The following DHX33 variants were observed in gnomAD, a reference collection of about 807,000 sequenced individuals.
DHX33 encodes DEAH-box helicase 33, also known as ATP-dependent RNA helicase DHX33.
Under a neutral mutation model 72.5 loss-of-function variants are expected in DHX33, and 42 were observed. The observed-to-expected ratio is 0.58, with a 90% CI of 0.45 to 0.75. The LOEUF (loss-of-function observed/expected upper bound fraction) is 0.75. Among genes scored for constraint, DHX33 ranks in the 30% least tolerant of loss-of-function variants. DHX33 has a pLI of 0.00. For missense variants in DHX33, 842 were observed against 917.5 expected, an observed-to-expected ratio of 0.92 and a Z score of 1.06; for synonymous variants, 358 against 366.1, an observed-to-expected ratio of 0.98 and a Z score of 0.25.
chr17:5,462,403 T>A lies in DHX33; in HGVS notation c.594A>T (p.Glu198Asp). Reference sequence around the variant, plus strand: ...AGAGCACATCTGTGTGGATAGTCCGTTCGTGAGCTTCATCCAAAATGACAC... The same window carrying A: ...AGAGCACATCTGTGTGGATAGTCCGATCGTGAGCTTCATCCAAAATGACAC... ...YSCVILDEAH[E>D]RTIHTDVLFG... Residue 198 changes from glutamate to aspartate, a missense_variant, in exon 3 of 12, where the codon GAA becomes GAT. Physicochemically the swap from Glu to Asp is conservative, Grantham distance 45 (BLOSUM62 2). Coordinates refer to ENST00000225296, the MANE Select transcript of DHX33 (RefSeq NM_020162.4). 1 of 1,614,186 alleles carries A rather than the reference T, an allele frequency of 6.2e-7. No individual in the cohort carries two copies. Among genetic ancestry groups the A allele is most frequent in the Non-Finnish European group, 8.5e-7 (1 of 1,180,032 alleles).
At position 5,441,020 on chromosome 17, in the gene DHX33, C is replaced by T. The variant is rs1916417677; in HGVS notation, c.*3185G>A. 6.6e-6 allele frequency: 1 copy of T among 151,940 alleles called. No individual in the cohort carries two copies. The highest frequency in any genetic ancestry group is 2.1e-4 in the South Asian group (1 of 4,834). The allele number at this position is 151,940 out of a possible 1,614,324, so 9.4% of individuals were successfully genotyped here. On this transcript the variant is annotated 3_prime_UTR_variant, in exon 12 of 12. Transcript: ENST00000225296. Reference sequence around the variant, plus strand: ...TTCTGTTCAAATAAAACCAGACTCTCAAAATACAACATAAGCCTGAACCTA... The same window carrying T: ...TTCTGTTCAAATAAAACCAGACTCTTAAAATACAACATAAGCCTGAACCTA...
rs938038969 is a variant in DHX33, at chr17:5,459,463, C to A, written c.849+1476G>T. Among the ~76,000 whole-genome samples the A allele has an allele frequency of 4.6e-5, 7 of 152,156 alleles. No individual in the cohort carries two copies. In the South Asian group the frequency reaches 6.2e-4, roughly 14 times the overall value. On this transcript the variant is annotated intron_variant, in intron 4 of 11. Coordinates refer to ENST00000225296, the MANE Select transcript of DHX33 (RefSeq NM_020162.4). ...ACTTTTTCTTTTTTTGAGATAGGAT[C>A]TTGCTCTGTTTCCCGGGCTGGAGTG... is the stretch of plus-strand genomic sequence containing the variant.
In DHX33 at chr17:5,461,016, T is replaced by C; in HGVS notation, c.772A>G (p.Ile258Val). Residue 258 changes from isoleucine to valine, a missense_variant, in exon 4 of 12, where the codon ATC (isoleucine) becomes GTC (valine). By Grantham distance (29) the Ile-to-Val change is conservative. Transcript: ENST00000225296. ...GGCTGTTTGGTGTAAAACACCTGGA[T>C]CGGATGCTGCCGACCCTCTAGGTAG... is the stretch of plus-strand genomic sequence containing the variant. ...VLYLEGRQHP[I>V]QVFYTKQPQN... The C allele has an allele frequency of 1.2e-6, 2 of 1,614,046 alleles. No individual in the cohort carries two copies. Among genetic ancestry groups the C allele is most frequent in the Non-Finnish European group, 1.7e-6 (2 of 1,179,984 alleles).
Position 5,447,656 on chromosome 17 carries a change from G to A in DHX33, c.1815+1153C>T, listed in dbSNP as rs544036748. On this transcript the variant is annotated intron_variant, in intron 11 of 11. Coordinates refer to ENST00000225296, the MANE Select transcript of DHX33 (RefSeq NM_020162.4). ...AAAGAAAGGAAAAAAAACACTTTGC[G>A]GTGGACACTTTGGCAATATCTAACA... 4.6e-5 allele frequency among the ~76,000 whole-genome samples: 7 copies of A among 152,060 alleles called. 1 individual carries two copies. The highest frequency in any genetic ancestry group is 1.2e-4 in the African/African-American group (5 of 41,494).
At chr17:5,457,203 G>A (rs1005912547) in intron 4 of DHX33, among the ~76,000 whole-genome samples, 21 of 152,210 alleles carry the variant, frequency 1.4e-4, no homozygotes, top group African/African-American at 4.1e-4. Context: ...AGCTACTCAG[G>A]AGGCTGAGGC....
chr17:5,455,051 G>T, intron 6 of DHX33, 109 bp downstream of exon 6: 1 of 1,014,278 alleles, frequency 9.9e-7, no homozygotes, highest in Non-Finnish European at 1.5e-6. Context: ...CCTGCCACCT[G>T]AATTTGTTAG....
At chr17:5,459,570 T>C (rs545165731) in intron 4 of DHX33, among the ~76,000 whole-genome samples, 4 of 151,956 alleles carry the variant, frequency 2.6e-5, no homozygotes, top group Admixed American at 6.6e-5. Context: ...GCTGGGACTA[T>C]AGGCATGCAC....
intron 1 of DHX33, among the ~76,000 whole-genome samples, chr17:5,465,541 G>A (rs1055076737): frequency 6.6e-6 from 1 of 152,174 alleles, no homozygotes; most frequent in Admixed American, 6.5e-5. Context: ...CATTTTAAAT[G>A]TGAAAATCTG....
intron 11 of DHX33, among the ~76,000 whole-genome samples, chr17:5,446,905 G>A (rs577000741): frequency 6.6e-6 from 1 of 152,358 alleles, no homozygotes; most frequent in African/African-American, 2.4e-5. Context: ...AAAAATGTGT[G>A]AAAGACAGAA....
At chr17:5,445,149 G>A (rs1916602544) in intron 11 of DHX33, among the ~76,000 whole-genome samples, 1 of 151,572 alleles carries the variant, frequency 6.6e-6, no homozygotes, top group South Asian at 2.1e-4. Context: ...CGCAATCTCA[G>A]CTCATTGCAA....
At chr17:5,448,942 A>G (rs374063063) in intron 10 of DHX33, 47 bp from the exon 11 acceptor site, 12 of 1,476,114 alleles carry the variant, frequency 8.1e-6, no homozygotes, top group African/African-American at 1.4e-5. Flanking sequence ...TTCACCATTT[A>G]TATGTTCACA....
chr17:5,443,489 T>A lies in DHX33; in HGVS notation c.*716A>T, dbSNP rs995375381. 2 of 152,062 alleles carry A rather than the reference T, an allele frequency of 1.3e-5. No homozygotes were observed. The highest frequency in any genetic ancestry group is 4.8e-5 in the African/African-American group (2 of 41,380). 9.4% of individuals were successfully genotyped at this position (152,062 alleles called of 1,614,324 possible). On this transcript the variant is annotated 3_prime_UTR_variant, in exon 12 of 12. Coordinates refer to ENST00000225296, the MANE Select transcript of DHX33 (RefSeq NM_020162.4). ...TGAAAGCACTGACAGGGTCACGCAC[T>A]GAGGACCAGGAGGCTCCTTTACTGG...
chr17:5,467,334 A>G (rs1164184026), intron 1 of DHX33, among the ~76,000 whole-genome samples: 1 of 152,206 alleles, frequency 6.6e-6, no homozygotes, highest in Non-Finnish European at 1.5e-5. Context: ...ACCCGAGACC[A>G]GGAAACTCTC....
At chr17:5,454,476 T>G (rs1917103096) in intron 6 of DHX33, among the ~76,000 whole-genome samples, 1 of 152,192 alleles carries the variant, frequency 6.6e-6, no homozygotes, top group Non-Finnish European at 1.5e-5. Context: ...ATGTCTGTTT[T>G]CTAGCAGTAA....
chr17:5,468,334 T>C (rs1298246890), intron 1 of DHX33, among the ~76,000 whole-genome samples: 1 of 152,188 alleles, frequency 6.6e-6, no homozygotes, highest in Admixed American at 6.5e-5. Flanking sequence ...CTCTACCCTT[T>C]TACGCGGAAG....
Position 5,450,836 on chromosome 17 carries a change from C to T in DHX33, c.1495G>A (p.Ala499Thr), listed in dbSNP as rs377723335. 5.0e-6 allele frequency: 8 copies of T among 1,614,084 alleles called. No homozygotes were observed. The African/African-American group carries it at 1.1e-4, about 22-fold the overall frequency. Reference sequence around the variant, plus strand: ...GCAAATTTGGGTTCTAAAGGAAATGCTGCCATCTTTCTTCCCATTGGAGTC... The same window carrying T: ...GCAAATTTGGGTTCTAAAGGAAATGTTGCCATCTTTCTTCCCATTGGAGTC... ...TLTPMGRKMA[A>T]FPLEPKFAKT... Residue 499 changes from alanine (A) to threonine (T), a missense_variant, in exon 9 of 12, where the codon GCA becomes ACA. Coordinates refer to ENST00000225296, the MANE Select transcript of DHX33 (RefSeq NM_020162.4).
chr17:5,445,819 G>T (rs1916637521), intron 11 of DHX33, among the ~76,000 whole-genome samples: 1 of 152,150 alleles, frequency 6.6e-6, no homozygotes, highest in South Asian at 2.1e-4. Flanking sequence ...AAAGTGGCGG[G>T]CCTGGCTCCT....
intron 4 of DHX33, 39 bp from the exon 5 acceptor site, chr17:5,456,221 G>T: frequency 1.3e-6 from 2 of 1,593,736 alleles, no homozygotes; most frequent in South Asian, 1.1e-5. Flanking sequence ...GGCATTGATA[G>T]AATTGCAGCT....
Position 5,444,255 on chromosome 17 carries a change from CG to C in DHX33, c.2073del (p.Tyr691Ter), listed in dbSNP as rs1567595393. 6.2e-7 allele frequency: 1 copy of C among 1,614,224 alleles called. No homozygotes were observed. The highest frequency in any genetic ancestry group is 1.7e-5 in the Admixed American group (1 of 60,020). ...CTCCTAAAGTACTCAGGGGCAGCCT[CG>C]TACAGCCACTGTGCATCTATGACGC... Reference protein sequence around the residue: ...DLCVIDAQWLYEAAPEYFRRK... With the variant: ...DLCVIDAQWLXEAAPEYFRRK... On this transcript the variant is annotated frameshift_variant, in exon 12 of 12. Coordinates refer to ENST00000225296, the MANE Select transcript of DHX33 (RefSeq NM_020162.4). LOFTEE classifies it high-confidence loss of function. The surrounding 1 kb of genome is among the most constrained non-coding windows in gnomAD (Gnocchi z 4.9).
Sources: allele counts gnomAD v4.1 joint callset (sites outside exome capture counted in the v4.1 genomes callset), GRCh38; gene constraint gnomAD v4.1.1; non-coding constraint Gnocchi (gnomAD v3.1); transcripts MANE v1.5; gene names NCBI Gene and HGNC (gene_info 2026-07-23, HGNC 2026-07-21).